KLHL20: variants seen among roughly 807,000 people sequenced by gnomAD.
KLHL20 encodes the protein kelch like family member 20.
Under a neutral mutation model 69.5 loss-of-function variants are expected in KLHL20, and 29 were observed. The observed-to-expected ratio is 0.42, with a 90% confidence interval of 0.31 to 0.57. KLHL20 has a LOEUF of 0.57. KLHL20 is among the 20% of genes least tolerant of loss of function. The probability of loss-of-function intolerance (pLI) is 0.18; values close to 1 mark genes in which losing one functional copy is unlikely to be tolerated. For missense variants in KLHL20, 419 were observed against 776.0 expected (o/e 0.54, Z 5.47); for synonymous variants, 253 against 265.2 (o/e 0.95, Z 0.45).
intron 2 of KLHL20, among the ~76,000 whole-genome samples, chr1:173,719,104 C>CGAAAAAAAAAAA (rs1671600432): frequency 9.4e-6 from 1 of 106,188 alleles, no homozygotes; most frequent in Non-Finnish European, 1.8e-5. Flanking sequence ...GACTCCGTCT[C>CGAAAAAAAAAAA]AAAAAAAAAA....
chr1:173,766,479 CAAAAAAA>C (rs1216941305), intron 8 of KLHL20, among the ~76,000 whole-genome samples, 190 bp downstream of exon 8: 1 of 99,388 alleles, frequency 1.0e-5, no homozygotes, highest in African/African-American at 3.9e-5. Flanking sequence ...ATAAAAAATA[CAAAAAAA>C]AAAAAAAAAA....
intron 2 of KLHL20, among the ~76,000 whole-genome samples, chr1:173,724,126 T>TTA (rs139462621): frequency 1.1e-3 from 161 of 151,816 alleles, no homozygotes; most frequent in South Asian, 4.4e-3. Flanking sequence ...AAAAATTCTT[T>TTA]TATATATATA....
In KLHL20 at chr1:173,785,282, T is replaced by C. The variant is rs377507027; in HGVS notation, c.*35T>C. The C allele has an allele frequency of 5.4e-6, 8 of 1,469,776 alleles. No homozygotes were observed. The African/African-American group carries it at 1.2e-4, about 21-fold the overall frequency. The allele number at this position is 1,469,776 out of a possible 1,614,324, so 91.0% of individuals were successfully genotyped here. On this transcript the variant is annotated 3_prime_UTR_variant, in exon 12 of 12. Coordinates refer to ENST00000209884, the MANE Select transcript of KLHL20 (RefSeq NM_014458.4). ...AGACAGTCTTGTATATATTCCTCTGTATTCTGGGGAGCTTTGACCTTGGAG... is the reference window on the plus strand; with the variant it reads ...AGACAGTCTTGTATATATTCCTCTGCATTCTGGGGAGCTTTGACCTTGGAG...
intron 2 of KLHL20, among the ~76,000 whole-genome samples, chr1:173,726,235 A>C (rs1671952175): frequency 6.6e-6 from 1 of 152,054 alleles, no homozygotes. Flanking sequence ...GAGTAGGTAA[A>C]TAAAGCGGCT....
At chr1:173,742,043 G>A (rs1294421405) in intron 3 of KLHL20, 1 of 438,628 alleles carries the variant, frequency 2.3e-6, no homozygotes, top group Non-Finnish European at 4.0e-6. Flanking sequence ...AAGAGCTTCT[G>A]TTGGTCAATA....
chr1:173,730,366 CTACTT>C (rs1286910667), intron 2 of KLHL20, among the ~76,000 whole-genome samples: 1 of 152,028 alleles, frequency 6.6e-6, no homozygotes, highest in Non-Finnish European at 1.5e-5. Flanking sequence ...TTGGAAAAAA[CTACTT>C]TAAAGTTCAT....
At position 173,757,232 on chromosome 1, in the gene KLHL20, A is replaced by C. The variant is rs889692217; in HGVS notation, c.1151+73A>C. On this transcript the variant is annotated intron_variant, in intron 7 of 11. Coordinates refer to ENST00000209884, the MANE Select transcript of KLHL20 (RefSeq NM_014458.4). Reference sequence around the variant, plus strand: ...TATTTGAGATGTTAATTAGGAAACAAATTGATTTAATGCTTTAGTATTGCA... The same window carrying C: ...TATTTGAGATGTTAATTAGGAAACACATTGATTTAATGCTTTAGTATTGCA... 7 of 1,371,392 alleles carry C rather than the reference A, an allele frequency of 5.1e-6. No individual in the cohort carries two copies. In the East Asian group the frequency reaches 1.2e-4, roughly 23 times the overall value. The allele number at this position is 1,371,392 out of a possible 1,614,324, so 85.0% of individuals were successfully genotyped here.
intron 7 of KLHL20, among the ~76,000 whole-genome samples, chr1:173,758,018 A>AT (rs745762216): frequency 2.3e-4 from 35 of 152,214 alleles, no homozygotes; most frequent in Admixed American, 4.6e-4. Flanking sequence ...AAAGATATAG[A>AT]TTGTGCAGCT....
chr1:173,730,441 G>A (rs1672210939), intron 2 of KLHL20, among the ~76,000 whole-genome samples: 2 of 152,000 alleles, frequency 1.3e-5, no homozygotes, highest in Non-Finnish European at 2.9e-5. Context: ...AACAAAGCTG[G>A]AGGCATCATG....
chr1:173,731,894 A>G (rs1303630604), intron 2 of KLHL20, among the ~76,000 whole-genome samples: 1 of 152,078 alleles, frequency 6.6e-6, no homozygotes, highest in Non-Finnish European at 1.5e-5. Flanking sequence ...TTAAAAATAT[A>G]ATAAAAATAA....
rs768943719 is a variant in KLHL20 at position 173,733,727 on chromosome 1, G to A, written c.38G>A (p.Arg13Gln). 4.2e-5 allele frequency: 67 copies of A among 1,612,816 alleles called. No homozygotes were observed. Among genetic ancestry groups the A allele is most frequent in the Admixed American group, 2.3e-4 (14 of 59,918 alleles). The stretch of plus-strand genomic sequence containing the variant: ...CATTCCTATAGGTGTACCAACATTC[G>A]ACCAGGAGAGACTGGAATGGATGTA... Reference protein sequence around the residue: ...GKPMRRCTNIRPGETGMDVTS... With the variant: ...GKPMRRCTNIQPGETGMDVTS... Residue 13 changes from arginine to glutamine, a missense_variant, in exon 3 of 12, where the codon CGA becomes CAA. Physicochemically the swap from Arg to Gln is conservative, Grantham distance 43. Transcript: ENST00000209884.
At chr1:173,766,776 T>G (rs989880435) in intron 8 of KLHL20, among the ~76,000 whole-genome samples, 1 of 152,046 alleles carries the variant, frequency 6.6e-6, no homozygotes, top group Non-Finnish European at 1.5e-5. Context: ...AAATGAAAGA[T>G]CTAAAAAAAG....
At chr1:173,763,077 C>T (rs753579014) in intron 7 of KLHL20, among the ~76,000 whole-genome samples, 1 of 151,976 alleles carries the variant, frequency 6.6e-6, no homozygotes. Context: ...TTCTATACAC[C>T]AACAGCAACC....
At chr1:173,750,286 GCACTCGAGAA>G (rs1226101226) in intron 3 of KLHL20, among the ~76,000 whole-genome samples, 2 of 151,900 alleles carry the variant, frequency 1.3e-5, no homozygotes, top group Non-Finnish European at 2.9e-5. Flanking sequence ...TTTTCCTAAT[GCACTCGAGAA>G]TATTTATTTA....
chr1:173,735,462 A>G (rs1672485487), intron 3 of KLHL20, among the ~76,000 whole-genome samples: 1 of 152,096 alleles, frequency 6.6e-6, no homozygotes, highest in African/African-American at 2.4e-5. Flanking sequence ...AAAAAAAAAA[A>G]AAAGAATTTG....
chr1:173,779,349 C>CATTT (rs1648698071), intron 10 of KLHL20, among the ~76,000 whole-genome samples: 1 of 143,186 alleles, frequency 7.0e-6, no homozygotes, highest in Non-Finnish European at 1.5e-5. Flanking sequence ...TAGGATTTCT[C>CATTT]CTTTTTTTTT....
chr1:173,753,614 T>A (rs1043520283), intron 5 of KLHL20, among the ~76,000 whole-genome samples: 2 of 151,600 alleles, frequency 1.3e-5, no homozygotes, highest in African/African-American at 4.8e-5. Context: ...CTGCTAATAT[T>A]TTTTTTTTCC....
At chr1:173,718,231 A>T (rs1190601149) in intron 2 of KLHL20, among the ~76,000 whole-genome samples, 1 of 151,548 alleles carries the variant, frequency 6.6e-6, no homozygotes, top group East Asian at 2.0e-4. Flanking sequence ...CCTGGCTAAC[A>T]TTAGTAGCTT....
rs1428547254 is a variant in KLHL20, at chr1:173,734,086, G to A, written c.397G>A (p.Val133Ile). 3.1e-6 allele frequency: 5 copies of A among 1,614,202 alleles called. No individual in the cohort carries two copies. The South Asian group carries it at 5.5e-5, about 18-fold the overall frequency. ...IDFAYTSQITVEEGNVQTLLP... is the reference protein window; with the variant it reads ...IDFAYTSQITIEEGNVQTLLP... ...CTTTGCGTATACCTCCCAGATAACA[G>A]TAGAAGAGGGCAATGTTCAGACTCT... Residue 133 changes from valine (V) to isoleucine (I), a missense_variant, in exon 3 of 12, where the codon GTA (valine) becomes ATA (isoleucine). Transcript: ENST00000209884.
Sources: gnomAD v4.1 joint callset for allele counts (sites outside exome capture counted in the v4.1 genomes callset) on GRCh38, gnomAD v4.1.1 for gene constraint, MANE v1.5 for transcripts, NCBI Gene and HGNC (gene_info 2026-07-23, HGNC 2026-07-21) for gene names.